The following PLXNA4 variants were observed in gnomAD, a reference collection of about 807,000 sequenced individuals.
PLXNA4 encodes plexin A4, also known as plexin-A4.
Under a neutral mutation model 191.8 loss-of-function variants are expected in PLXNA4, and 44 were observed. The observed-to-expected ratio is 0.23, with a 90% CI of 0.18 to 0.29. The LOEUF is 0.29. Among genes scored for constraint, PLXNA4 ranks in the 10% least tolerant of loss-of-function variants. The pLI is 1.00. For missense variants in PLXNA4, 1,800 were observed against 2,488.8 expected, an observed-to-expected ratio of 0.72 and a Z score of 5.89; for synonymous variants, 1,082 against 1,009.5, an observed-to-expected ratio of 1.07 and a Z score of -1.36.
chr7:132,417,995 C>T (rs1794719592), intron 3 of PLXNA4, among the ~76,000 whole-genome samples: 1 of 152,094 alleles, frequency 6.6e-6, no homozygotes, highest in Admixed American at 6.5e-5. Flanking sequence ...TTCATTATTC[C>T]TCCTGTGGAA....
intron 4 of PLXNA4, among the ~76,000 whole-genome samples, chr7:132,270,640 T>C (rs1164806402): frequency 2.0e-5 from 3 of 152,226 alleles, no homozygotes; most frequent in African/African-American, 7.2e-5. Flanking sequence ...ATATATGTAA[T>C]ACCTCTATGA....
chr7:132,294,815 G>A (rs1313807365), intron 4 of PLXNA4, among the ~76,000 whole-genome samples: 3 of 152,136 alleles, frequency 2.0e-5, no homozygotes, highest in African/African-American at 7.2e-5. Context: ...AGGCGAGTAG[G>A]ACACATAGAG....
At chr7:132,476,929 G>T (rs992542653) in intron 3 of PLXNA4, among the ~76,000 whole-genome samples, 1 of 152,114 alleles carries the variant, frequency 6.6e-6, no homozygotes, top group African/African-American at 2.4e-5. Flanking sequence ...AATAATTTCA[G>T]TTTCAGTTTT....
chr7:132,316,984 A>G (rs1222547701), intron 3 of PLXNA4, among the ~76,000 whole-genome samples: 1 of 151,290 alleles, frequency 6.6e-6, no homozygotes, highest in Admixed American at 6.6e-5. Context: ...GTTGTGTTGT[A>G]TTGGATTGGA....
chr7:132,531,031 C>A (rs797016379), intron 1 of PLXNA4, among the ~76,000 whole-genome samples: 2 of 152,248 alleles, frequency 1.3e-5, no homozygotes, highest in African/African-American at 4.8e-5. Context: ...TAGGCAAATT[C>A]CTACACAGAA....
chr7:132,578,238 G>T (rs115388502), upstream of PLXNA4, among the ~76,000 whole-genome samples: 2,809 of 151,986 alleles, frequency 0.018, 74 homozygotes, highest in African/African-American at 0.055. Context: ...TCAACTCTGT[G>T]CATGCCACCC....
intron 1 of PLXNA4, among the ~76,000 whole-genome samples, chr7:132,517,365 C>G (rs1468791346): frequency 6.6e-6 from 1 of 152,128 alleles, no homozygotes; most frequent in Non-Finnish European, 1.5e-5. Flanking sequence ...TCTTTCACCA[C>G]CCAGCTGGAT....
At chr7:132,156,135 T>TACACACATAC (rs1795786320) in intron 25 of PLXNA4, among the ~76,000 whole-genome samples, 1 of 133,006 alleles carries the variant, frequency 7.5e-6, no homozygotes, top group South Asian at 2.6e-4. Flanking sequence ...TTTCTGGACA[T>TACACACATAC]ACACACACAC....
chr7:132,201,458 T>C (rs1418526621), intron 12 of PLXNA4, among the ~76,000 whole-genome samples: 1 of 152,206 alleles, frequency 6.6e-6, no homozygotes, highest in African/African-American at 2.4e-5. Context: ...GATCATATAC[T>C]GTGTGCATTT....
chr7:132,136,880 C>T, intron 30 of PLXNA4, among the ~76,000 whole-genome samples: 1 of 152,168 alleles, frequency 6.6e-6, no homozygotes, highest in South Asian at 2.1e-4. Flanking sequence ...CTGAACAAGT[C>T]TTTTCCTCTG....
At chr7:132,468,755 C>A (rs1056241465) in intron 3 of PLXNA4, among the ~76,000 whole-genome samples, 3 of 150,678 alleles carry the variant, frequency 2.0e-5, no homozygotes, top group Admixed American at 6.6e-5. Context: ...CACACACACA[C>A]AATACACACA....
chr7:132,180,021 G>A (rs543970993), intron 19 of PLXNA4, 100 bp from the exon 20 acceptor site: 21 of 1,458,920 alleles, frequency 1.4e-5, no homozygotes, highest in Middle Eastern at 2.5e-4. Flanking sequence ...GCAGGATGAC[G>A]GAAAGGAGAC....
intron 3 of PLXNA4, among the ~76,000 whole-genome samples, chr7:132,389,296 C>T (rs1464061623): frequency 6.6e-6 from 1 of 152,154 alleles, no homozygotes; most frequent in Non-Finnish European, 1.5e-5. Flanking sequence ...TCTATTTTGG[C>T]TTTTGTTGCC....
chr7:132,508,573 C>A lies in PLXNA4; in HGVS notation c.121G>T (p.Val41Phe), dbSNP rs995282209. The A allele has an allele frequency of 1.2e-6, 2 of 1,614,004 alleles. No individual in the cohort carries two copies. The highest frequency in any genetic ancestry group is 2.7e-5 in the African/African-American group (2 of 74,936). ...TCGGCGGGCTCTCCTCGGAATGTGA[C>A]AAATGACCGCTGCTTCTGGGACAGC... The part of the protein sequence containing the change: ...APLSQKQRSF[V>F]TFRGEPAEGF... The change falls in exon 2 of 32, where the codon GTC becomes TTC. Residue 41 changes from valine (V) to phenylalanine (F), a missense_variant. Coordinates refer to ENST00000321063, the MANE Select transcript of PLXNA4 (RefSeq NM_020911.2). This position sits in a 1 kb window ranked among gnomAD's most constrained non-coding sequence, Gnocchi z 4.4.
intron 10 of PLXNA4, among the ~76,000 whole-genome samples, chr7:132,207,168 T>A (rs1464499716): frequency 1.3e-5 from 2 of 152,218 alleles, no homozygotes; most frequent in Non-Finnish European, 2.9e-5. Flanking sequence ...GTACACTGTG[T>A]CCATCTCTAG....
rs1306085896 is a variant in PLXNA4, at chr7:132,147,978, C to A, written c.4786G>T (p.Ala1596Ser). 1.2e-6 allele frequency: 2 copies of A among 1,614,160 alleles called. No individual in the cohort carries two copies. Among genetic ancestry groups the A allele is most frequent in the Non-Finnish European group, 1.7e-6 (2 of 1,180,034 alleles). Residue 1596 changes from alanine (A) to serine (S), a missense_variant, in exon 27 of 32, where the codon GCA (alanine) becomes TCA (serine). By Grantham distance (99) the Ala-to-Ser change is moderately conservative (BLOSUM62 1). Around this residue, in one of 6 missense-constraint regions of PLXNA4, gnomAD observed 214 missense variants for 298.2 expected, o/e 0.72. Coordinates refer to ENST00000321063, the MANE Select transcript of PLXNA4 (RefSeq NM_020911.2). ...HYQVPDGSVV[A>S]LVSKQVTAYN... ...GCTGTCACCTGCTTGGACACTAATG[C>A]CACCACGGAACCATCTGGCACCTAC...
chr7:132,230,445 T>C (rs1488852522), intron 5 of PLXNA4, among the ~76,000 whole-genome samples: 2 of 152,228 alleles, frequency 1.3e-5, no homozygotes, highest in Non-Finnish European at 2.9e-5. Flanking sequence ...TTGAGTGTTA[T>C]TGCAACTTGT....
In PLXNA4 at chr7:132,165,139, G is replaced by A. The variant is rs886512467; in HGVS notation, c.4348C>T (p.Leu1450Phe). The A allele has an allele frequency of 3.1e-6, 5 of 1,612,976 alleles. No homozygotes were observed. Among genetic ancestry groups the A allele is most frequent in the African/African-American group, 1.3e-5 (1 of 74,882 alleles). Reference sequence around the variant, plus strand: ...ACGTCCACATCCAACCCTACCTTGAGGAACTTGTAGAGGAGGAAAGTAAAC... The same window carrying A: ...ACGTCCACATCCAACCCTACCTTGAAGAACTTGTAGAGGAGGAAAGTAAAC... ...NWFTFLLYKF[L>F]KECAGEPLFS... Residue 1450 changes from leucine to phenylalanine, a missense_variant, in exon 23 of 32, where the codon CTC (leucine) becomes TTC (phenylalanine). Around this residue, in one of 6 missense-constraint regions of PLXNA4, gnomAD observed 214 missense variants for 298.2 expected, o/e 0.72. Coordinates refer to ENST00000321063, the MANE Select transcript of PLXNA4 (RefSeq NM_020911.2).
intron 2 of PLXNA4, among the ~76,000 whole-genome samples, chr7:132,587,439 TC>T (rs1475886922): frequency 1.3e-5 from 2 of 152,230 alleles, no homozygotes; most frequent in African/African-American, 2.4e-5. Context: ...TAGTGAGTTC[TC>T]CATCACTTCG....
Sources: gnomAD v4.1 joint callset for allele counts (sites outside exome capture counted in the v4.1 genomes callset) on GRCh38, gnomAD v4.1.1 for gene constraint, gnomAD v4.1.1 regional missense constraint, Gnocchi (gnomAD v3.1) non-coding constraint, MANE v1.5 for transcripts, NCBI Gene and HGNC (gene_info 2026-07-23, HGNC 2026-07-21) for gene names.